Variants in SEMA6D observed in about 807,000 individuals in gnomAD.
The protein encoded by SEMA6D is semaphorin 6D.
Under a neutral mutation model 106.6 loss-of-function variants are expected in SEMA6D, and 35 were observed. The ratio of observed to expected loss-of-function variants is 0.33; its 90% CI spans 0.25 to 0.44. SEMA6D has a LOEUF of 0.44. SEMA6D is among the 20% of genes least tolerant of loss of function. The pLI, the probability that SEMA6D is intolerant of heterozygous loss-of-function variation, is 1.00. For synonymous variants in SEMA6D, 499 were observed against 487.7 expected, an observed-to-expected ratio of 1.02 and a Z score of -0.31; for missense variants, 1,185 against 1,345.9, an observed-to-expected ratio of 0.88 and a Z score of 1.87.
chr15:47,357,387 C>G (rs2038627038), intron 1 of SEMA6D, among the ~76,000 whole-genome samples: 1 of 151,772 alleles, frequency 6.6e-6, no homozygotes, highest in Non-Finnish European at 1.5e-5. Flanking sequence ...TATATATTGG[C>G]AAAATACTCC....
chr15:47,314,392 A>T (rs2036560781), intron 1 of SEMA6D, among the ~76,000 whole-genome samples: 1 of 151,264 alleles, frequency 6.6e-6, no homozygotes, highest in Admixed American at 6.6e-5. Context: ...AGGTCAGGAG[A>T]TCGAGACCAT....
chr15:47,252,072 C>T (rs1255791015), intron 1 of SEMA6D, among the ~76,000 whole-genome samples: 1 of 149,506 alleles, frequency 6.7e-6, no homozygotes, highest in Non-Finnish European at 1.5e-5. Context: ...CCCGCTACCA[C>T]GCCCGGCTAA....
chr15:47,773,239 A>G lies in SEMA6D; in HGVS notation c.*1454A>G, dbSNP rs953825703. 3.9e-5 allele frequency: 6 copies of G among 152,640 alleles called. No individual in the cohort carries two copies. The highest frequency in any genetic ancestry group is 8.8e-5 in the Non-Finnish European group (6 of 68,040). The allele number at this position is 152,640 out of a possible 1,614,324, so 9.5% of individuals were successfully genotyped here. On this transcript the variant is annotated 3_prime_UTR_variant, in exon 19 of 19. Transcript: ENST00000536845. ...ACCTAGGACAATTATTTGTTACATA[A>G]TCCGACCTCATAGCAGCATTACATT...
At chr15:47,225,716 G>A (rs1366310018) in intron 1 of SEMA6D, among the ~76,000 whole-genome samples, 1 of 151,638 alleles carries the variant, frequency 6.6e-6, no homozygotes, top group African/African-American at 2.4e-5. Flanking sequence ...TTTTAGTAGA[G>A]ATGGGGTTTC....
At chr15:47,269,059 T>G (rs910899221) in intron 1 of SEMA6D, among the ~76,000 whole-genome samples, 2 of 152,186 alleles carry the variant, frequency 1.3e-5, no homozygotes, top group Admixed American at 1.3e-4. Context: ...TAGACTCTAG[T>G]CAGAATTGCT....
At position 47,771,388 on chromosome 15, in the gene SEMA6D, C is replaced by T. The variant is rs1391340792; in HGVS notation, c.2825C>T (p.Thr942Ile). ...TCAACTCTCCCCAGAAATAGCCCAACCAAGCGAGTGGATGTCCCCACCACT... is the reference window on the plus strand; with the variant it reads ...TCAACTCTCCCCAGAAATAGCCCAATCAAGCGAGTGGATGTCCCCACCACT... ...PPSTLPRNSPTKRVDVPTTPG... is the reference protein window; with the variant it reads ...PPSTLPRNSPIKRVDVPTTPG... The change falls in exon 19 of 19, where the codon ACC becomes ATC. Residue 942 changes from threonine (T) to isoleucine (I), a missense_variant. Coordinates refer to ENST00000536845, the MANE Select transcript of SEMA6D (RefSeq NM_001358351.3). The T allele has an allele frequency of 2.5e-6, 4 of 1,613,952 alleles. No individual in the cohort carries two copies. The African/African-American group carries it at 5.3e-5, about 22-fold the overall frequency.
chr15:47,431,189 A>G (rs965095745), intron 2 of SEMA6D, among the ~76,000 whole-genome samples: 3 of 152,172 alleles, frequency 2.0e-5, no homozygotes, highest in African/African-American at 7.2e-5. Context: ...TGCAAGGTAT[A>G]TAATAATGTG....
At chr15:47,341,315 G>A (rs529219658) in intron 1 of SEMA6D, among the ~76,000 whole-genome samples, 6 of 152,206 alleles carry the variant, frequency 3.9e-5, no homozygotes, top group East Asian at 1.9e-4. Context: ...GCTTGAACCC[G>A]GGAGGTAGAG....
chr15:47,761,287 A>T (rs1205779554), intron 5 of SEMA6D, 43 bp from the exon 6 acceptor site: 2 of 1,609,506 alleles, frequency 1.2e-6, no homozygotes, highest in Non-Finnish European at 1.7e-6. Flanking sequence ...CAGTGCCAGC[A>T]TGTTCAAATG....
At chr15:47,197,337 A>T (rs1305051037) in intron 1 of SEMA6D, among the ~76,000 whole-genome samples, 1 of 152,232 alleles carries the variant, frequency 6.6e-6, no homozygotes, top group Non-Finnish European at 1.5e-5. Context: ...TTTCACAGGC[A>T]GTGAGTTTAA....
At chr15:47,457,583 C>T (rs1029047876) in intron 2 of SEMA6D, among the ~76,000 whole-genome samples, 10 of 151,762 alleles carry the variant, frequency 6.6e-5, no homozygotes, top group African/African-American at 2.2e-4. Context: ...AGAGACTATC[C>T]GAAGATTAGA....
In SEMA6D at chr15:47,770,898, G is replaced by A. The variant is rs771662868; in HGVS notation, c.2335G>A (p.Val779Met). The A allele has an allele frequency of 6.8e-6, 11 of 1,614,028 alleles. No individual in the cohort carries two copies. The highest frequency in any genetic ancestry group is 2.2e-5 in the East Asian group (1 of 44,850). ...TCTTCCTACTCCTGAGTCTACACCC[G>A]TGCTTCACCAGAAGACCCTGCAGGC... ...AALPTPESTP[V>M]LHQKTLQAMK... The change falls in exon 19 of 19, where the codon GTG becomes ATG. Residue 779 changes from valine (V) to methionine (M), a missense_variant. Physicochemically the swap from Val to Met is conservative, Grantham distance 21. Around this residue, in one of 3 missense-constraint regions of SEMA6D, gnomAD observed 750 missense variants for 783.5 expected, o/e 0.96. Transcript: ENST00000536845.
At chr15:47,273,563 G>C (rs1411473380) in intron 1 of SEMA6D, among the ~76,000 whole-genome samples, 3 of 152,132 alleles carry the variant, frequency 2.0e-5, no homozygotes, top group Non-Finnish European at 4.4e-5. Context: ...ATTTTTTGCA[G>C]TCTTTAGCCA....
intron 1 of SEMA6D, among the ~76,000 whole-genome samples, chr15:47,735,540 G>A (rs1056590884): frequency 7.9e-5 from 12 of 151,864 alleles, no homozygotes; most frequent in African/African-American, 2.9e-4. Flanking sequence ...CTGACAAATG[G>A]AAATGATAAA....
Position 47,513,782 on chromosome 15 carries a change from G to T in SEMA6D, c.-87+43237G>T, listed in dbSNP as rs182892376. ...TCAGGATACCGAACCAGTCATATGG[G>T]TGAGATTCATAGGTGATTCTTCTCT... On this transcript the variant is annotated intron_variant, in intron 3 of 19. Transcript: ENST00000558014. 5.5e-3 allele frequency among the ~76,000 whole-genome samples: 841 copies of T among 152,310 alleles called. 6 individuals carry two copies. Among genetic ancestry groups the T allele is most frequent in the Admixed American group, 0.015 (224 of 15,290 alleles).
At chr15:47,706,968 T>C (rs2078924286) in intron 4 of SEMA6D, among the ~76,000 whole-genome samples, 1 of 152,220 alleles carries the variant, frequency 6.6e-6, no homozygotes, top group South Asian at 2.1e-4. Flanking sequence ...CTTTTTGAAA[T>C]AAAATGGAAA....
At chr15:47,680,953 T>C (rs1419232504) in intron 4 of SEMA6D, among the ~76,000 whole-genome samples, 3 of 152,130 alleles carry the variant, frequency 2.0e-5, no homozygotes, top group Admixed American at 6.5e-5. Flanking sequence ...ATTTAGAGGA[T>C]TTAGGGAAAT....
intron 1 of SEMA6D, among the ~76,000 whole-genome samples, chr15:47,335,212 G>A (rs2037503415): frequency 6.6e-6 from 1 of 152,104 alleles, no homozygotes; most frequent in East Asian, 1.9e-4. Context: ...TAAACTCCCT[G>A]AGGAACCTGT....
intron 2 of SEMA6D, among the ~76,000 whole-genome samples, chr15:47,452,713 T>A (rs1054408029): frequency 2.6e-5 from 4 of 151,958 alleles, no homozygotes; most frequent in African/African-American, 9.7e-5. Context: ...CCATTTTAAA[T>A]TACCATAGCA....
Sources: allele counts gnomAD v4.1 joint callset (sites outside exome capture counted in the v4.1 genomes callset), GRCh38; gene constraint gnomAD v4.1.1; regional missense constraint gnomAD v4.1.1; transcripts MANE v1.5; gene names NCBI Gene and HGNC (gene_info 2026-07-23, HGNC 2026-07-21).